C12orf42: variants seen among roughly 807,000 people sequenced by gnomAD.
The protein encoded by C12orf42 is uncharacterized protein C12orf42.
A neutral mutation model predicts 21.6 loss-of-function variants in C12orf42; 25 were observed. The observed-to-expected ratio is 1.16, with a 90% CI of 0.84 to 1.62. The LOEUF (loss-of-function observed/expected upper bound fraction) is 1.62. Ranked by LOEUF, C12orf42 falls within the 40% of genes most tolerant of loss-of-function variation. The pLI, the probability that C12orf42 is intolerant of heterozygous loss-of-function variation, is 0.00. For synonymous variants in C12orf42, 174 were observed against 175.0 expected (o/e 0.99, Z 0.05); for missense variants, 483 against 459.3 (o/e 1.05, Z -0.47).
intron 4 of C12orf42, among the ~76,000 whole-genome samples, chr12:103,286,473 T>C (rs1391820752): frequency 6.6e-6 from 1 of 151,534 alleles, no homozygotes; most frequent in African/African-American, 2.4e-5. Flanking sequence ...TATTTTCATA[T>C]ATAAAATAAT....
At chr12:103,192,235 G>A in the C12orf42 span, among the ~76,000 whole-genome samples, 7 of 151,942 alleles carry the variant, frequency 4.6e-5, no homozygotes, top group African/African-American at 9.7e-5. Context: ...AATACACATA[G>A]GGCTCATGTC....
chr12:103,555,556 A>G, the C12orf42 span, among the ~76,000 whole-genome samples: 2 of 152,158 alleles, frequency 1.3e-5, no homozygotes, highest in South Asian at 2.1e-4. Flanking sequence ...GGGCCTGCCA[A>G]TGCTGCTGAT....
At chr12:103,184,121 A>G in the C12orf42 span, among the ~76,000 whole-genome samples, 7 of 152,148 alleles carry the variant, frequency 4.6e-5, no homozygotes, top group African/African-American at 1.7e-4. Flanking sequence ...CTGTCTATTA[A>G]TTCTGTCAGT....
At chr12:103,203,261 CT>C in the C12orf42 span, among the ~76,000 whole-genome samples, 561 of 152,292 alleles carry the variant, frequency 3.7e-3, no homozygotes, top group Non-Finnish European at 6.5e-3. Flanking sequence ...GGGATTGCCC[CT>C]GATCCCCAAT....
intron 1 of C12orf42, among the ~76,000 whole-genome samples, chr12:103,495,558 G>C (rs369640577): frequency 6.6e-6 from 1 of 151,960 alleles, no homozygotes; most frequent in Non-Finnish European, 1.5e-5. Context: ...CCATCTGCTC[G>C]CTGTCAATGC....
At chr12:103,294,561 GAA>G (rs1039422728) in intron 4 of C12orf42, among the ~76,000 whole-genome samples, 5 of 76,368 alleles carry the variant, frequency 6.5e-5, no homozygotes, top group African/African-American at 2.6e-4. Flanking sequence ...AAGAAAGAAA[GAA>G]AAAGAAAGGA....
the C12orf42 span, among the ~76,000 whole-genome samples, chr12:103,093,404 T>C: frequency 3.9e-5 from 6 of 152,154 alleles, no homozygotes; most frequent in Admixed American, 1.3e-4. Context: ...AGTAAAGAAA[T>C]TCCACAGAAC....
chr12:103,547,328 A>G, the C12orf42 span, among the ~76,000 whole-genome samples: 1 of 152,246 alleles, frequency 6.6e-6, no homozygotes, highest in Non-Finnish European at 1.5e-5. Flanking sequence ...AACAGCTCAG[A>G]TACAGAACAT....
At chr12:103,453,575 T>C (rs1952092862) in intron 2 of C12orf42, among the ~76,000 whole-genome samples, 1 of 152,126 alleles carries the variant, frequency 6.6e-6, no homozygotes, top group African/African-American at 2.4e-5. Context: ...ATTTCTGCTC[T>C]TATCTTTATC....
downstream of C12orf42, among the ~76,000 whole-genome samples, chr12:103,301,263 T>C (rs2037628897): frequency 6.6e-6 from 1 of 152,134 alleles, no homozygotes; most frequent in Non-Finnish European, 1.5e-5. Flanking sequence ...TGTGGGAAAA[T>C]TCCAAGGAAC....
intron 4 of C12orf42, among the ~76,000 whole-genome samples, chr12:103,283,292 T>TG (rs2036243875): frequency 6.6e-6 from 1 of 152,178 alleles, no homozygotes; most frequent in Non-Finnish European, 1.5e-5. Context: ...ATTTCTACAA[T>TG]CACTGTCTTG....
At chr12:103,483,482 T>C (rs1269364475) in intron 1 of C12orf42, among the ~76,000 whole-genome samples, 1 of 152,082 alleles carries the variant, frequency 6.6e-6, no homozygotes, top group African/African-American at 2.4e-5. Flanking sequence ...AGTTGAAATT[T>C]TTTTTCAGAC....
chr12:103,306,211 C>T lies in C12orf42; in HGVS notation c.394G>A (p.Ala132Thr). ...ESYEEFRSSP[A>T]PSSETDEAPL... ...GCCTCATCAGTTTCACTGGATGGTGCTGGAGAGGAACGGAATTCTTCATAG... is the reference window on the plus strand; with the variant it reads ...GCCTCATCAGTTTCACTGGATGGTGTTGGAGAGGAACGGAATTCTTCATAG... Residue 132 changes from alanine (A) to threonine (T), a missense_variant, in exon 5 of 6, where the codon GCA becomes ACA. Transcript: ENST00000548883. 6.2e-7 allele frequency: 1 copy of T among 1,613,922 alleles called. No homozygotes were observed. The highest frequency in any genetic ancestry group is 2.2e-5 in the East Asian group (1 of 44,880).
At chr12:103,525,488 T>C in the C12orf42 span, among the ~76,000 whole-genome samples, 5 of 152,224 alleles carry the variant, frequency 3.3e-5, no homozygotes, top group Non-Finnish European at 4.4e-5. Context: ...ATGGTGATGA[T>C]GGATCAAGCT....
chr12:103,447,338 A>G (rs934142054), intron 2 of C12orf42, among the ~76,000 whole-genome samples: 5 of 152,028 alleles, frequency 3.3e-5, no homozygotes, highest in African/African-American at 1.2e-4. Flanking sequence ...CCAACATTAT[A>G]CTGAATGAGG....
At chr12:103,048,725 A>C in the C12orf42 span, among the ~76,000 whole-genome samples, 1 of 152,152 alleles carries the variant, frequency 6.6e-6, no homozygotes, top group Non-Finnish European at 1.5e-5. Context: ...AATAAAATAA[A>C]GGTCCCAGGA....
intron 2 of C12orf42, among the ~76,000 whole-genome samples, chr12:103,408,299 G>A (rs556995858): frequency 6.6e-6 from 1 of 152,302 alleles, no homozygotes; most frequent in South Asian, 2.1e-4. Context: ...CGGAGCAGCA[G>A]CCAGATAGGT....
the C12orf42 span, among the ~76,000 whole-genome samples, chr12:103,079,931 C>T: frequency 4.1e-3 from 625 of 152,218 alleles, 7 homozygotes; most frequent in Middle Eastern, 0.02. Context: ...TATGAAGAAG[C>T]AATTAATATA....
chr12:103,216,541 T>A, the C12orf42 span, among the ~76,000 whole-genome samples: 91 of 151,142 alleles, frequency 6.0e-4, no homozygotes, highest in Middle Eastern at 3.4e-3. Context: ...GCCTGGCTAA[T>A]TTTTTTTTGT....
Sources: gnomAD v4.1 joint callset for allele counts (sites outside exome capture counted in the v4.1 genomes callset) on GRCh38, gnomAD v4.1.1 for gene constraint, MANE v1.5 for transcripts, NCBI Gene and HGNC (gene_info 2026-07-23, HGNC 2026-07-21) for gene names.